The following SLC7A5 variants were observed in gnomAD, a reference collection of about 807,000 sequenced individuals.
SLC7A5 encodes the protein large neutral amino acids transporter small subunit 1.
In SLC7A5, 23 loss-of-function variants were observed where a neutral mutation model predicts 50.2. The observed-to-expected ratio is 0.46, with a 90% CI of 0.33 to 0.65. The LOEUF is 0.65. Among genes scored for constraint, SLC7A5 ranks in the 30% least tolerant of loss-of-function variants. The pLI is 0.02. For missense variants in SLC7A5, 578 were observed against 684.4 expected (o/e 0.84, Z 1.73); for synonymous variants, 393 against 330.6 (o/e 1.19, Z -2.05).
At chr16:87,867,325 C>G (rs899571970) in intron 1 of SLC7A5, among the ~76,000 whole-genome samples, 6 of 152,204 alleles carry the variant, frequency 3.9e-5, no homozygotes, top group African/African-American at 1.4e-4. Flanking sequence ...GAGACTGAAC[C>G]AGTGAAATTC....
At position 87,834,480 on chromosome 16, in the gene SLC7A5, C is replaced by T. The variant is rs1207278149; in HGVS notation, c.1402G>A (p.Gly468Arg). The change falls in exon 9 of 10, where the codon GGG becomes AGG. Residue 468 changes from glycine (G) to arginine (R), a missense_variant. Around this residue, in one of 2 missense-constraint regions of SLC7A5, gnomAD observed 465 missense variants for 594.6 expected, o/e 0.78. Transcript: ENST00000261622. ...CGIGFTIILS[G>R]LPVYFFGVWW... ...ACCCCGAAGAAGTAGACGGGCAGCC[C>T]GCTGAGGATGATGGTGAAGCCGATG... The T allele has an allele frequency of 4.4e-6, 7 of 1,575,746 alleles. No individual in the cohort carries two copies. Among genetic ancestry groups the T allele is most frequent in the Non-Finnish European group, 5.2e-6 (6 of 1,161,236 alleles).
At chr16:87,851,101 T>A (rs2055216945) in intron 2 of SLC7A5, among the ~76,000 whole-genome samples, 1 of 152,034 alleles carries the variant, frequency 6.6e-6, no homozygotes, top group Non-Finnish European at 1.5e-5. Flanking sequence ...CAGCCAGCCT[T>A]AAAACCTGTG....
chr16:87,868,589 G>C (rs2055492279), intron 1 of SLC7A5, among the ~76,000 whole-genome samples: 1 of 152,254 alleles, frequency 6.6e-6, no homozygotes, highest in Non-Finnish European at 1.5e-5. Context: ...GGGCCAACGG[G>C]AGGGTGGCAC....
At position 87,860,546 on chromosome 16, in the gene SLC7A5, T is replaced by C. The variant is rs532520926; in HGVS notation, c.538+8339A>G. ...TGTCTGCCTGTAACTTCTGTCCTTG[T>C]AGGAGGTATGAACTCCAGCTGTGGC... is the stretch of plus-strand genomic sequence containing the variant. On this transcript the variant is annotated intron_variant, in intron 1 of 9. Transcript: ENST00000261622. This position sits in a 1 kb window ranked among gnomAD's most constrained non-coding sequence, Gnocchi z 4.8. Among the ~76,000 whole-genome samples, 2 of 152,226 alleles carry C rather than the reference T, an allele frequency of 1.3e-5. No individual in the cohort carries two copies. Among genetic ancestry groups the C allele is most frequent in the South Asian group, 4.1e-4 (2 of 4,826 alleles).
At chr16:87,863,158 T>G (rs796372120) in intron 1 of SLC7A5, among the ~76,000 whole-genome samples, 16 of 152,314 alleles carry the variant, frequency 1.1e-4, no homozygotes, top group African/African-American at 3.6e-4. Context: ...GAGAAGTGAC[T>G]GAGACTGAGC....
In SLC7A5 at chr16:87,840,428, C is replaced by T. The variant is rs113889500; in HGVS notation, c.815+1G>A. On this transcript the variant is annotated splice_donor_variant, in intron 4 of 9. Transcript: ENST00000261622. LOFTEE classifies it high-confidence loss of function. ...ACGGCTCCATCCATTCTTGCACGTA[C>T]CTGTAGGGGTTGATCATTTCCTCTG... is the stretch of plus-strand genomic sequence containing the variant. 1 of 1,610,912 alleles carries T rather than the reference C, an allele frequency of 6.2e-7. No homozygotes were observed. Among genetic ancestry groups the T allele is most frequent in the Non-Finnish European group, 8.5e-7 (1 of 1,177,060 alleles).
chr16:87,867,306 G>A (rs150637360), intron 1 of SLC7A5, among the ~76,000 whole-genome samples: 7,771 of 152,272 alleles, frequency 0.051, 256 homozygotes, highest in Middle Eastern at 0.14. Context: ...CATGTACCTA[G>A]GCGGGAGGGA....
intron 8 of SLC7A5, among the ~76,000 whole-genome samples, chr16:87,835,752 G>C (rs1284357393): frequency 1.3e-5 from 2 of 152,212 alleles, no homozygotes; most frequent in African/African-American, 4.8e-5. Flanking sequence ...GGGATTACAG[G>C]CGTGAGCCAC....
chr16:87,840,872 C>T (rs147118067), intron 3 of SLC7A5, among the ~76,000 whole-genome samples, 178 bp downstream of exon 3: 453 of 151,550 alleles, frequency 3.0e-3, no homozygotes, highest in African/African-American at 0.011. Context: ...CACGCTTCGT[C>T]GGGATGTGGG....
intron 2 of SLC7A5, among the ~76,000 whole-genome samples, chr16:87,843,711 G>A (rs1289524408): frequency 2.0e-5 from 3 of 152,172 alleles, no homozygotes; most frequent in African/African-American, 4.8e-5. Context: ...GGGGTGCGGC[G>A]CTACTGGCAC....
At position 87,869,482 on chromosome 16, in the gene SLC7A5, GCGC is replaced by G; in HGVS notation, c.-63_-61del. 8.7e-7 allele frequency: 1 copy of G among 1,155,256 alleles called. No homozygotes were observed. Among genetic ancestry groups the G allele is most frequent in the Non-Finnish European group, 1.1e-6 (1 of 936,094 alleles). 71.6% of individuals were successfully genotyped at this position (1,155,256 alleles called of 1,614,324 possible). A position where few individuals can be genotyped will look rare whatever the true frequency, so the allele number is the denominator to read the frequency against. On this transcript the variant is annotated 5_prime_UTR_variant, in exon 1 of 10. Transcript: ENST00000261622. Reference sequence around the variant, plus strand: ...AGCCGCGGCCCAGCGAGCAGTGTGCGCGCCGCCCGCCGCCCGCAGCTGCGTCAG... The same window carrying G: ...AGCCGCGGCCCAGCGAGCAGTGTGCGCGCCCGCCGCCCGCAGCTGCGTCAG...
intron 8 of SLC7A5, 179 bp from the exon 9 acceptor site, chr16:87,834,770 C>T (rs1490334638): frequency 4.4e-6 from 3 of 680,116 alleles, no homozygotes; most frequent in Admixed American, 2.1e-5. Context: ...CTCGACTCTG[C>T]ATACAGTGCT....
At chr16:87,839,587 G>A in intron 5 of SLC7A5, 115 bp downstream of exon 5, 1 of 1,503,330 alleles carries the variant, frequency 6.7e-7, no homozygotes, top group Non-Finnish European at 9.1e-7. Flanking sequence ...TAGAGACGCG[G>A]GGCCCCCTCT....
intron 3 of SLC7A5, 113 bp downstream of exon 3, chr16:87,840,937 G>C (rs1278675738): frequency 7.0e-6 from 5 of 715,792 alleles, no homozygotes; most frequent in Non-Finnish European, 1.3e-5. Context: ...GTTAAAGGGA[G>C]GGGCAGTCCA....
At chr16:87,834,945 G>C (rs975652110) in intron 8 of SLC7A5, among the ~76,000 whole-genome samples, 1 of 152,254 alleles carries the variant, frequency 6.6e-6, no homozygotes, top group African/African-American at 2.4e-5. Flanking sequence ...GCTTCCAGGA[G>C]ACAGTGGCCA....
intron 8 of SLC7A5, among the ~76,000 whole-genome samples, chr16:87,835,751 G>T (rs1049361936): frequency 2.6e-5 from 4 of 152,220 alleles, no homozygotes; most frequent in Non-Finnish European, 5.9e-5. Context: ...TGGGATTACA[G>T]GCGTGAGCCA....
Position 87,869,006 on chromosome 16 carries a change from G to T in SLC7A5, c.417C>A (p.Ile139=), listed in dbSNP as rs373729019. The T allele has an allele frequency of 2.5e-6, 4 of 1,611,780 alleles. No homozygotes were observed. Among genetic ancestry groups the T allele is most frequent in the Non-Finnish European group, 3.4e-6 (4 of 1,179,816 alleles). The part of the protein sequence containing the change: ...AFLKLWIELL[I]IRPSSQYIVA... Reference sequence around the variant, plus strand: ...CGATGTACTGCGATGAAGGCCGGATGATGAGCAGCTCGATCCAGAGCTTGA... The same window carrying T: ...CGATGTACTGCGATGAAGGCCGGATTATGAGCAGCTCGATCCAGAGCTTGA... Residue 139 remains isoleucine (I), a synonymous_variant, in exon 1 of 10, where the codon ATC becomes ATA. Transcript: ENST00000261622.
At chr16:87,836,471 T>C (rs1348561875) in intron 8 of SLC7A5, 27 bp downstream of exon 8, 4 of 1,605,280 alleles carry the variant, frequency 2.5e-6, no homozygotes, top group African/African-American at 2.7e-5. Flanking sequence ...GAAGGGTGCC[T>C]GGGTGAGCGG....
chr16:87,834,555 A>G lies in SLC7A5; in HGVS notation c.1327T>C (p.Cys443Arg). Residue 443 changes from cysteine (C) to arginine (R), a missense_variant, in exon 9 of 10, where the codon TGC (cysteine) becomes CGC (arginine). Transcript: ENST00000261622. Reference sequence around the variant, plus strand: ...AAGGAGACGGCGATCAGGAAGAGGCAGGCCAGGATGAAGAACACAGGCAGG... The same window carrying G: ...AAGGAGACGGCGATCAGGAAGAGGCGGGCCAGGATGAAGAACACAGGCAGG... ...LALPVFFILA[C>R]LFLIAVSFWK... The G allele has an allele frequency of 1.9e-6, 3 of 1,598,812 alleles. No homozygotes were observed. Among genetic ancestry groups the G allele is most frequent in the Non-Finnish European group, 2.6e-6 (3 of 1,174,430 alleles).
Sources: gnomAD v4.1 joint callset for allele counts (sites outside exome capture counted in the v4.1 genomes callset) on GRCh38, gnomAD v4.1.1 for gene constraint, gnomAD v4.1.1 regional missense constraint, Gnocchi (gnomAD v3.1) non-coding constraint, MANE v1.5 for transcripts, NCBI Gene and HGNC (gene_info 2026-07-23, HGNC 2026-07-21) for gene names.